PRDM15: variants seen among roughly 807,000 people sequenced by gnomAD.
PRDM15 encodes the protein PR domain zinc finger protein 15.
A neutral mutation model predicts 128.6 loss-of-function variants in PRDM15; 64 were observed. That is an observed-to-expected ratio of 0.50 (90% CI 0.41 to 0.61). PRDM15 has a LOEUF of 0.61. Among genes scored for constraint, PRDM15 ranks in the 20% least tolerant of loss-of-function variants. The pLI is 0.00. For missense variants in PRDM15, 1,242 were observed against 1,569.1 expected (o/e 0.79, Z 3.52); for synonymous variants, 615 against 621.8 (o/e 0.99, Z 0.16).
intron 6 of PRDM15, among the ~76,000 whole-genome samples, chr21:41,844,675 A>G (rs2063186778): frequency 1.9e-5 from 1 of 51,756 alleles, no homozygotes; most frequent in Non-Finnish European, 3.5e-5. Context: ...CTCCCCCCTC[A>G]CAGGGACACA....
rs951844850 is a variant in PRDM15, at chr21:41,821,352, C to A, written c.1897-122G>T. ...CGCCCTGAGAGCCCATGACTCATGCCAGGGTGGAAGGGACTCTCAGAGGCT... is the reference window on the plus strand; with the variant it reads ...CGCCCTGAGAGCCCATGACTCATGCAAGGGTGGAAGGGACTCTCAGAGGCT... On this transcript the variant is annotated intron_variant, in intron 15 of 23. Transcript: ENST00000398548. This position sits in a 1 kb window ranked among gnomAD's most constrained non-coding sequence, Gnocchi z 5.4. 1 of 1,184,408 alleles carries A rather than the reference C, an allele frequency of 8.4e-7. No individual in the cohort carries two copies. Among genetic ancestry groups the A allele is most frequent in the Non-Finnish European group, 1.2e-6 (1 of 837,544 alleles). 73.4% of individuals were successfully genotyped at this position (1,184,408 alleles called of 1,614,324 possible). A position where few individuals can be genotyped will look rare whatever the true frequency, so the allele number is the denominator to read the frequency against.
chr21:41,855,975 TTTCCTTCCCTCCC>T (rs2063582405), intron 4 of PRDM15, among the ~76,000 whole-genome samples: 1 of 3,988 alleles, frequency 2.5e-4, no homozygotes, highest in East Asian at 0.018. Context: ...CCTTCCTTCC[TTTCCTTCCCTCCC>T]TCCCTCCCCT....
chr21:41,867,250 G>A lies in PRDM15; in HGVS notation c.-9-6878C>T, dbSNP rs184090514. 239 of 1,451,638 alleles carry A rather than the reference G, an allele frequency of 1.6e-4. 1 individual carries two copies. The African/African-American group carries it at 2.9e-3, about 18-fold the overall frequency. 89.9% of individuals were successfully genotyped at this position (1,451,638 alleles called of 1,614,324 possible). ...TCTGCTGCGCCGGTAGTCAAACTTC[G>A]TAACACCAAAAGGAGTTAAGATGCA... On this transcript the variant is annotated intron_variant, in intron 1 of 23. Transcript: ENST00000398548.
chr21:41,842,370 T>C (rs2063099096), intron 6 of PRDM15, among the ~76,000 whole-genome samples: 1 of 152,268 alleles, frequency 6.6e-6, no homozygotes, highest in African/African-American at 2.4e-5. Context: ...AATGCTTATC[T>C]TCTCCACAAT....
At chr21:41,806,054 CCA>C (rs2061573126) in intron 21 of PRDM15, among the ~76,000 whole-genome samples, 1 of 69,714 alleles carries the variant, frequency 1.4e-5, no homozygotes, top group Non-Finnish European at 3.1e-5. Context: ...ATCACCACCA[CCA>C]CCATCACCAT....
At chr21:41,813,366 T>A (rs967718262) in intron 19 of PRDM15, 1 of 152,206 alleles carries the variant, frequency 6.6e-6, no homozygotes, top group Admixed American at 6.5e-5. Context: ...TGGACAGAGA[T>A]TCCCCAGGAA....
In PRDM15 at chr21:41,804,627, C is replaced by T. The variant is rs199671559; in HGVS notation, c.2653-13G>A. 38 of 1,546,064 alleles carry T rather than the reference C, an allele frequency of 2.5e-5. 2 individuals carry two copies. The highest frequency in any genetic ancestry group is 1.9e-4 in the East Asian group (8 of 41,582). On this transcript the variant is annotated splice_polypyrimidine_tract_variant and intron_variant, in intron 21 of 23. Transcript: ENST00000398548. Reference sequence around the variant, plus strand: ...TCACCGCGAGCACCTATGAGGAGCACAGGGCATGAGCTGGGGGTCAGGGTG... The same window carrying T: ...TCACCGCGAGCACCTATGAGGAGCATAGGGCATGAGCTGGGGGTCAGGGTG...
Position 41,821,910 on chromosome 21 carries a change from C to A in PRDM15, c.1889G>T (p.Arg630Leu). 6.2e-7 allele frequency: 1 copy of A among 1,614,118 alleles called. No individual in the cohort carries two copies. The highest frequency in any genetic ancestry group is 8.5e-7 in the Non-Finnish European group (1 of 1,180,044). Reference sequence around the variant, plus strand: ...GGGGCAAACCCGCCATACCTGGCACCGCTTGCAGCTGTACTTGTGAGGCTC... The same window carrying A: ...GGGGCAAACCCGCCATACCTGGCACAGCTTGCAGCTGTACTTGTGAGGCTC... ...DSEPHKYSCK[R>L]CQLTFGRGKE... The change falls in exon 15 of 24, where the codon CGG (arginine) becomes CTG (leucine). Residue 630 changes from arginine to leucine, a missense_variant. Arg to Leu is a moderately radical substitution (Grantham distance 102). This residue lies in a region of PRDM15 where 602 missense variants were observed against 788.3 expected (regional missense o/e 0.76). Coordinates refer to ENST00000398548, the MANE Select transcript of PRDM15 (RefSeq NM_001040424.3). The surrounding 1 kb of genome is among the most constrained non-coding windows in gnomAD (Gnocchi z 5.4).
intron 1 of PRDM15, among the ~76,000 whole-genome samples, chr21:41,874,519 A>ATTTTTTTT (rs1453363784): frequency 1.4e-4 from 7 of 50,626 alleles, no homozygotes; most frequent in African/African-American, 4.6e-4. Flanking sequence ...ATATATATAT[A>ATTTTTTTT]TATATATTTT....
At chr21:41,829,651 A>G (rs2062613467) in intron 11 of PRDM15, among the ~76,000 whole-genome samples, 1 of 151,550 alleles carries the variant, frequency 6.6e-6, no homozygotes, top group Admixed American at 6.6e-5. Context: ...CCACAAATAC[A>G]TTCAACACAT....
At chr21:41,864,328 A>G (rs117339050) in intron 1 of PRDM15, among the ~76,000 whole-genome samples, 3,509 of 152,286 alleles carry the variant, frequency 0.023, 60 homozygotes, top group South Asian at 0.069. Context: ...TAAAATATTA[A>G]ATAATAATAG....
At chr21:41,847,044 C>T (rs759842572) in intron 6 of PRDM15, 46 bp downstream of exon 6, 58 of 1,288,354 alleles carry the variant, frequency 4.5e-5, no homozygotes, top group Non-Finnish European at 5.3e-5. Context: ...AGAGAGAAAT[C>T]GACACAGGAG....
chr21:41,833,245 A>T (rs1286846898), intron 11 of PRDM15, among the ~76,000 whole-genome samples: 2 of 152,226 alleles, frequency 1.3e-5, no homozygotes, highest in Non-Finnish European at 2.9e-5. Context: ...GTCACACCAC[A>T]AGGGACAGGC....
At position 41,861,561 on chromosome 21, in the gene PRDM15, A is replaced by C; in HGVS notation, c.-9-1189T>G. The C allele has an allele frequency of 1.3e-6, 2 of 1,572,304 alleles. 1 individual carries two copies. ...CCCCCCCCAATCCCCAACTGTGCGC[A>C]CCGGCATGTCCTTCCTGCAACCTGC... is the stretch of plus-strand genomic sequence containing the variant. On this transcript the variant is annotated intron_variant, in intron 1 of 23. Transcript: ENST00000398548.
intron 1 of PRDM15, among the ~76,000 whole-genome samples, chr21:41,868,970 G>C (rs1165460992): frequency 6.6e-6 from 1 of 152,198 alleles, no homozygotes; most frequent in Non-Finnish European, 1.5e-5. Context: ...TTCCAGGCAT[G>C]AGCCACTGCG....
chr21:41,848,743 G>A (rs1276282104), intron 5 of PRDM15, among the ~76,000 whole-genome samples: 1 of 152,166 alleles, frequency 6.6e-6, no homozygotes, highest in African/African-American at 2.4e-5. Flanking sequence ...CACAAGTGTG[G>A]GTTCTCCTCA....
At chr21:41,827,848 A>G (rs1282359221) in intron 12 of PRDM15, among the ~76,000 whole-genome samples, 2 of 152,128 alleles carry the variant, frequency 1.3e-5, no homozygotes, top group Non-Finnish European at 2.9e-5. Context: ...TTGAAAAAAC[A>G]CTTCTAATGA....
intron 12 of PRDM15, 115 bp from the exon 13 acceptor site, chr21:41,826,169 A>G (rs2146450994): frequency 2.6e-6 from 2 of 762,016 alleles, no homozygotes; most frequent in Non-Finnish European, 4.5e-6. Flanking sequence ...AGGGCTGCCC[A>G]CAGTGGGGAC....
intron 14 of PRDM15, among the ~76,000 whole-genome samples, chr21:41,822,536 G>C (rs2062316292): frequency 6.6e-6 from 1 of 152,270 alleles, no homozygotes; most frequent in South Asian, 2.1e-4. Flanking sequence ...TGGCAGTTGG[G>C]CCACAGGAGG....
Sources: gnomAD v4.1 joint callset for allele counts (sites outside exome capture counted in the v4.1 genomes callset) on GRCh38, gnomAD v4.1.1 for gene constraint, gnomAD v4.1.1 regional missense constraint, Gnocchi (gnomAD v3.1) non-coding constraint, MANE v1.5 for transcripts, NCBI Gene and HGNC (gene_info 2026-07-23, HGNC 2026-07-21) for gene names.